PNKD: variants seen among roughly 807,000 people sequenced by gnomAD.
PNKD encodes the protein PNKD metallo-beta-lactamase domain containing, also known as probable thioesterase PNKD.
A neutral mutation model predicts 45.3 loss-of-function variants in PNKD; 36 were observed. The ratio of observed to expected loss-of-function variants is 0.80; its 90% CI spans 0.61 to 1.05. The LOEUF is 1.05. Ranked by LOEUF, PNKD falls within the 50% of genes least tolerant of loss-of-function variation. The pLI, the probability that PNKD is intolerant of heterozygous loss-of-function variation, is 0.00. For missense variants in PNKD, 511 were observed against 506.6 expected, an observed-to-expected ratio of 1.01 and a Z score of -0.08; for synonymous variants, 197 against 210.1, an observed-to-expected ratio of 0.94 and a Z score of 0.54.
Position 218,344,944 on chromosome 2 carries a change from A to G in PNKD, c.1121A>G (p.Glu374Gly). Residue 374 changes from glutamate to glycine, a missense_variant, in exon 10 of 10, where the codon GAG becomes GGG. Transcript: ENST00000273077. Reference sequence around the variant, plus strand: ...TACTCCCGGGCCCAGCTCCTGGAAGAGCTCCGCCGGCTGAAGGATATGCAC... The same window carrying G: ...TACTCCCGGGCCCAGCTCCTGGAAGGGCTCCGCCGGCTGAAGGATATGCAC... Reference protein sequence around the residue: ...DDYSRAQLLEELRRLKDMHKS... With the variant: ...DDYSRAQLLEGLRRLKDMHKS... 6.2e-7 allele frequency: 1 copy of G among 1,613,846 alleles called. No homozygotes were observed. The highest frequency in any genetic ancestry group is 8.5e-7 in the Non-Finnish European group (1 of 1,179,932).
intron 2 of PNKD, among the ~76,000 whole-genome samples, chr2:218,293,580 C>CTT (rs34887009): frequency 0.36 from 35,334 of 98,524 alleles, 7,997 homozygotes; most frequent in Non-Finnish European, 0.49. Flanking sequence ...ACTGAATGTC[C>CTT]TTTTTTTTTT....
chr2:218,299,991 A>C (rs560438303), intron 2 of PNKD, among the ~76,000 whole-genome samples: 1 of 152,184 alleles, frequency 6.6e-6, no homozygotes, highest in Non-Finnish European at 1.5e-5. Flanking sequence ...TCCTGGGCTC[A>C]AGTGATCCAC....
intron 2 of PNKD, among the ~76,000 whole-genome samples, chr2:218,271,822 G>A (rs1341595008): frequency 1.3e-5 from 2 of 152,198 alleles, no homozygotes; most frequent in Non-Finnish European, 2.9e-5. Flanking sequence ...AGCTTGGAGT[G>A]AGACCCAAGT....
intron 2 of PNKD, chr2:218,274,814 T>A (rs1422157136): frequency 6.5e-6 from 1 of 153,962 alleles, no homozygotes; most frequent in African/African-American, 2.4e-5. Flanking sequence ...GAGATGCTGT[T>A]CCATGCTGGC....
At chr2:218,308,484 GC>G (rs1169282514) in intron 2 of PNKD, among the ~76,000 whole-genome samples, 1 of 151,882 alleles carries the variant, frequency 6.6e-6, no homozygotes, top group Non-Finnish European at 1.5e-5. Flanking sequence ...ACCGTGCCCA[GC>G]CTTAGATTTT....
chr2:218,313,285 A>G (rs532369642), intron 2 of PNKD, among the ~76,000 whole-genome samples: 1 of 151,974 alleles, frequency 6.6e-6, no homozygotes, highest in Non-Finnish European at 1.5e-5. Context: ...TAATTTTTGT[A>G]TTTTTAGTAG....
At chr2:218,301,943 T>G (rs1208095285) in intron 2 of PNKD, among the ~76,000 whole-genome samples, 1 of 152,228 alleles carries the variant, frequency 6.6e-6, no homozygotes, top group Non-Finnish European at 1.5e-5. Flanking sequence ...TCTTGGAGTT[T>G]ACAGTCCAGT....
At chr2:218,315,426 G>A (rs1693784417) in intron 2 of PNKD, among the ~76,000 whole-genome samples, 1 of 152,096 alleles carries the variant, frequency 6.6e-6, no homozygotes, top group South Asian at 2.1e-4. Flanking sequence ...CAAAGTGCTG[G>A]GATTCCAGGC....
At chr2:218,270,943 T>C (rs563832360) in intron 1 of PNKD, 2 of 340,622 alleles carry the variant, frequency 5.9e-6, no homozygotes, top group Admixed American at 4.6e-5. Context: ...CAGTTTGACC[T>C]TGGGCAAAGC....
intron 2 of PNKD, among the ~76,000 whole-genome samples, chr2:218,298,477 G>A (rs1693198696): frequency 1.3e-5 from 2 of 152,184 alleles, no homozygotes. Context: ...GTGAGCCTTG[G>A]CACCTTATCT....
chr2:218,276,658 TCCA>T (rs1420046783), intron 2 of PNKD, among the ~76,000 whole-genome samples: 5 of 152,132 alleles, frequency 3.3e-5, no homozygotes, highest in Non-Finnish European at 7.4e-5. Context: ...CAAGGTCCCT[TCCA>T]CCTAGGCCCA....
At chr2:218,315,079 T>C (rs1362471264) in intron 2 of PNKD, among the ~76,000 whole-genome samples, 36 of 94,470 alleles carry the variant, frequency 3.8e-4, no homozygotes, top group Non-Finnish European at 5.9e-4. Flanking sequence ...CCTTCCTTTC[T>C]TTCTCTCTCT....
chr2:218,304,991 T>G lies in PNKD; in HGVS notation c.236+33442T>G, dbSNP rs551960260. Reference sequence around the variant, plus strand: ...GGGAGGCTAAGGCAGGAGAATCACTTGAACCTGGGAGGTAGAGGTTGCAGT... The same window carrying G: ...GGGAGGCTAAGGCAGGAGAATCACTGGAACCTGGGAGGTAGAGGTTGCAGT... On this transcript the variant is annotated intron_variant, in intron 2 of 9. Transcript: ENST00000273077. 1.9e-4 allele frequency among the ~76,000 whole-genome samples: 29 copies of G among 152,172 alleles called. 1 individual carries two copies. In the South Asian group the frequency reaches 6.0e-3, roughly 32 times the overall value.
At chr2:218,323,204 C>G in intron 2 of PNKD, 1 of 1,393,374 alleles carries the variant, frequency 7.2e-7, no homozygotes, top group Non-Finnish European at 9.3e-7. Context: ...CCGCGGGGGG[C>G]CGGGGCCGGG....
chr2:218,322,275 G>T (rs1462142140), intron 2 of PNKD, among the ~76,000 whole-genome samples: 1 of 152,170 alleles, frequency 6.6e-6, no homozygotes, highest in Non-Finnish European at 1.5e-5. Context: ...CCAGAGCTAG[G>T]GCTGGAGCCA....
intron 1 of PNKD, 65 bp from the exon 2 acceptor site, chr2:218,271,316 C>G: frequency 7.1e-7 from 1 of 1,411,814 alleles, no homozygotes; most frequent in African/African-American, 1.4e-5. Context: ...CCCTTACTGC[C>G]CCCCACCTCC....
chr2:218,279,570 C>G, intron 2 of PNKD: 2 of 526,856 alleles, frequency 3.8e-6, no homozygotes, highest in Non-Finnish European at 6.7e-6. Context: ...TGTCCAACAC[C>G]AGCCTCGGTG....
Position 218,325,643 on chromosome 2 carries a change from G to A in PNKD, c.237-14140G>A, listed in dbSNP as rs114026070. Among the ~76,000 whole-genome samples, 950 of 152,290 alleles carry A rather than the reference G, an allele frequency of 6.2e-3. 3 individuals are homozygous for A. The highest frequency in any genetic ancestry group is 9.5e-3 in the Non-Finnish European group (645 of 68,018). ...GTTTGAGGTCATACAAATGGCCTGA[G>A]GAAGTGGAAAATAGAAGTTTCCATA... On this transcript the variant is annotated intron_variant, in intron 2 of 9. Coordinates refer to ENST00000273077, the MANE Select transcript of PNKD (RefSeq NM_015488.5).
At chr2:218,329,698 C>T (rs1694264498) in intron 2 of PNKD, among the ~76,000 whole-genome samples, 1 of 152,238 alleles carries the variant, frequency 6.6e-6, no homozygotes, top group East Asian at 1.9e-4. Flanking sequence ...CCTGTGCATG[C>T]GGAAGTCCCC....
Sources: allele counts gnomAD v4.1 joint callset (sites outside exome capture counted in the v4.1 genomes callset), GRCh38; gene constraint gnomAD v4.1.1; transcripts MANE v1.5; gene names NCBI Gene and HGNC (gene_info 2026-07-23, HGNC 2026-07-21).